FYN: variants seen among roughly 807,000 people sequenced by gnomAD.
The protein encoded by FYN is tyrosine-protein kinase Fyn.
A neutral mutation model predicts 70.2 loss-of-function variants in FYN; 10 were observed. That is an observed-to-expected ratio of 0.14 (90% confidence interval 0.09 to 0.24). The LOEUF (loss-of-function observed/expected upper bound fraction) is 0.24, where lower values mean the gene tolerates loss of function less well. FYN is among the 10% of genes least tolerant of loss of function. FYN has a pLI of 1.00. For missense variants in FYN, 319 were observed against 673.1 expected (o/e 0.47, Z 5.82); for synonymous variants, 236 against 248.6 (o/e 0.95, Z 0.48).
intron 3 of FYN, among the ~76,000 whole-genome samples, chr6:111,761,052 A>G (rs1467969860): frequency 1.3e-5 from 2 of 152,236 alleles, no homozygotes; most frequent in East Asian, 3.8e-4. Flanking sequence ...ACTGTGGTGC[A>G]GAGATGCAAA....
chr6:111,784,152 T>C (rs1040260401), intron 2 of FYN, among the ~76,000 whole-genome samples: 4 of 152,238 alleles, frequency 2.6e-5, no homozygotes, highest in African/African-American at 4.8e-5. Context: ...TTTGTTTCAG[T>C]ATAAGGATAA....
At chr6:111,669,070 G>A (rs980126100) in intron 13 of FYN, among the ~76,000 whole-genome samples, 1 of 152,184 alleles carries the variant, frequency 6.6e-6, no homozygotes, top group Non-Finnish European at 1.5e-5. Context: ...GCGACTAGAT[G>A]TATTCAAGAA....
chr6:111,712,368 A>T (rs1029086233), intron 5 of FYN, among the ~76,000 whole-genome samples: 16 of 152,242 alleles, frequency 1.1e-4, no homozygotes, highest in Admixed American at 9.2e-4. Context: ...AACAAGCAGC[A>T]AAATAACAGC....
chr6:111,868,534 T>C (rs1227426588), intron 1 of FYN, among the ~76,000 whole-genome samples: 1 of 137,388 alleles, frequency 7.3e-6, no homozygotes, highest in Non-Finnish European at 1.6e-5. Flanking sequence ...AGGGTAGGGA[T>C]GAATATTGTA....
intron 3 of FYN, among the ~76,000 whole-genome samples, chr6:111,741,688 C>T (rs1207765529): frequency 6.6e-6 from 1 of 152,106 alleles, no homozygotes; most frequent in Non-Finnish European, 1.5e-5. Context: ...TGGTCCAATC[C>T]CACCTCTCGT....
intron 13 of FYN, among the ~76,000 whole-genome samples, chr6:111,662,833 A>T (rs1797816784): frequency 6.6e-6 from 1 of 152,132 alleles, no homozygotes; most frequent in Admixed American, 6.6e-5. Context: ...GGTGAATTTG[A>T]TGGGGAGATA....
chr6:111,765,824 C>A (rs1803209994), intron 3 of FYN, among the ~76,000 whole-genome samples: 1 of 150,600 alleles, frequency 6.6e-6, no homozygotes, highest in African/African-American at 2.4e-5. Context: ...AGACTCTAAG[C>A]GACAGCAGGA....
chr6:111,733,316 G>A (rs893980807), intron 3 of FYN, among the ~76,000 whole-genome samples: 1 of 152,182 alleles, frequency 6.6e-6, no homozygotes, highest in African/African-American at 2.4e-5. Flanking sequence ...CAGAATTGGA[G>A]TAACTTTCCC....
chr6:111,853,775 T>C (rs1717530125), intron 1 of FYN, among the ~76,000 whole-genome samples: 1 of 152,200 alleles, frequency 6.6e-6, no homozygotes. Context: ...TGCTTCATCA[T>C]GACAGGCTAA....
chr6:111,669,438 C>CAAAAAAAAAAAA (rs10690295), intron 13 of FYN, among the ~76,000 whole-genome samples: 6 of 56,852 alleles, frequency 1.1e-4, no homozygotes, highest in Non-Finnish European at 1.6e-4. Context: ...CCATCCATCT[C>CAAAAAAAAAAAA]AAAAAAAAAA....
At chr6:111,678,106 A>ATG (rs201367268) in intron 12 of FYN, among the ~76,000 whole-genome samples, 43 of 118,610 alleles carry the variant, frequency 3.6e-4, no homozygotes, top group African/African-American at 1.3e-3. Context: ...GAAGGCCATA[A>ATG]TATGTGTGTG....
intron 1 of FYN, among the ~76,000 whole-genome samples, chr6:111,853,357 CTT>C (rs5879129): frequency 6.9e-6 from 1 of 145,590 alleles, no homozygotes. Context: ...CAAGACACTC[CTT>C]TTTTTTTTTT....
At position 111,714,367 on chromosome 6, in the gene FYN, T is replaced by A. The variant is rs1354857291; in HGVS notation, c.324A>T (p.Lys108Asn). Residue 108 changes from lysine to asparagine, a missense_variant, in exon 5 of 14, where the codon AAA becomes AAT. By Grantham distance (94) the Lys-to-Asn change is moderately conservative (BLOSUM62 0). This residue lies in a region of FYN where 128 missense variants were observed against 183.9 expected (regional missense o/e 0.70). Transcript: ENST00000354650. ...EDDLSFHKGE[K>N]FQILNSSEGD... is the part of the protein sequence containing the mutation. ...CTTACGAGCTGTTCAATATTTGAAA[T>A]TTTTCTCCTTTGTGAAAACTCAGGT... 19 of 1,613,714 alleles carry A rather than the reference T, an allele frequency of 1.2e-5. No homozygotes were observed. Among genetic ancestry groups the A allele is most frequent in the Non-Finnish European group, 1.6e-5 (19 of 1,179,652 alleles).
intron 13 of FYN, among the ~76,000 whole-genome samples, chr6:111,673,627 T>TTTTTTG (rs1798403373): frequency 6.7e-6 from 1 of 148,386 alleles, no homozygotes; most frequent in African/African-American, 2.5e-5. Context: ...TCATTGTTTT[T>TTTTTTG]TTTTTTTTTT....
At chr6:111,787,782 A>G (rs1771455075) in intron 2 of FYN, among the ~76,000 whole-genome samples, 1 of 152,194 alleles carries the variant, frequency 6.6e-6, no homozygotes, top group Non-Finnish European at 1.5e-5. Flanking sequence ...CTCCTCTATA[A>G]CTGGGGGAGC....
At chr6:111,666,937 A>G (rs566544648) in intron 13 of FYN, among the ~76,000 whole-genome samples, 3 of 152,316 alleles carry the variant, frequency 2.0e-5, no homozygotes, top group Non-Finnish European at 4.4e-5. Flanking sequence ...TCCCCGACAT[A>G]GCATCATTTC....
intron 2 of FYN, among the ~76,000 whole-genome samples, chr6:111,800,977 T>C (rs78847307): frequency 1.5e-3 from 229 of 152,356 alleles, no homozygotes; most frequent in African/African-American, 5.1e-3. Flanking sequence ...TCGTTCATAC[T>C]TAGTCACCTT....
At chr6:111,819,560 G>A (rs1772592656) in intron 2 of FYN, among the ~76,000 whole-genome samples, 1 of 152,018 alleles carries the variant, frequency 6.6e-6, no homozygotes, top group Non-Finnish European at 1.5e-5. Flanking sequence ...CCGAGACCAT[G>A]ACCCATATTA....
intron 1 of FYN, among the ~76,000 whole-genome samples, chr6:111,864,921 A>G (rs897566865): frequency 2.0e-5 from 3 of 152,160 alleles, no homozygotes; most frequent in Admixed American, 2.0e-4. Context: ...AGTTGCTATG[A>G]TTAAGTACAT....
Sources: gnomAD v4.1 joint callset for allele counts (sites outside exome capture counted in the v4.1 genomes callset) on GRCh38, gnomAD v4.1.1 for gene constraint, gnomAD v4.1.1 regional missense constraint, MANE v1.5 for transcripts, NCBI Gene and HGNC (gene_info 2026-07-23, HGNC 2026-07-21) for gene names.